MEGF9: variants seen among roughly 807,000 people sequenced by gnomAD.
The protein encoded by MEGF9 is multiple epidermal growth factor-like domains protein 9.
A neutral mutation model predicts 46.8 loss-of-function variants in MEGF9; 6 were observed. The ratio of observed to expected loss-of-function variants is 0.13; its 90% CI spans 0.07 to 0.25. The LOEUF (loss-of-function observed/expected upper bound fraction) is 0.25. MEGF9 is among the 10% of genes least tolerant of loss of function. The pLI, the probability that MEGF9 is intolerant of heterozygous loss-of-function variation, is 1.00. For missense variants in MEGF9, 683 were observed against 792.4 expected (o/e 0.86, Z 1.66); for synonymous variants, 302 against 330.7 (o/e 0.91, Z 0.94).
At chr9:120,690,758 T>G (rs2043844649) in intron 1 of MEGF9, among the ~76,000 whole-genome samples, 1 of 152,108 alleles carries the variant, frequency 6.6e-6, no homozygotes, top group South Asian at 2.1e-4. Context: ...CAAAATTTCC[T>G]CTGTATTATC....
At chr9:120,709,851 C>T (rs1048673200) in intron 1 of MEGF9, among the ~76,000 whole-genome samples, 7 of 151,924 alleles carry the variant, frequency 4.6e-5, no homozygotes, top group African/African-American at 1.7e-4. Context: ...AAGTTCGAGA[C>T]CAGCCTGGCC....
chr9:120,641,769 C>T (rs2043604215), intron 2 of MEGF9, among the ~76,000 whole-genome samples: 1 of 152,138 alleles, frequency 6.6e-6, no homozygotes, highest in Non-Finnish European at 1.5e-5. Flanking sequence ...ATCCCTATCC[C>T]TGACTGGTAA....
intron 1 of MEGF9, among the ~76,000 whole-genome samples, chr9:120,693,281 AAAAAAAAAAAAAAGAAG>A (rs922750076): frequency 4.7e-5 from 7 of 148,990 alleles, no homozygotes; most frequent in Admixed American, 2.0e-4. Context: ...TAACCAAAAA[AAAAAAAAAAAAAAGAAG>A]AAGAAGAAGA....
rs1388746955 is a variant in MEGF9 at position 120,602,815 on chromosome 9, A to G, written c.*2375T>C. 6.6e-6 allele frequency: 1 copy of G among 152,112 alleles called. No homozygotes were observed. Among genetic ancestry groups the G allele is most frequent in the African/African-American group, 2.4e-5 (1 of 41,408 alleles). 9.4% of individuals were successfully genotyped at this position (152,112 alleles called of 1,614,324 possible). A position where few individuals can be genotyped will look rare whatever the true frequency, so the allele number is the denominator to read the frequency against. ...GAAAGACAGGTATGCCATTTTGCAC[A>G]ATTTCTTAGAATTGTGCAGTCTGTA... On this transcript the variant is annotated 3_prime_UTR_variant, in exon 6 of 6. Coordinates refer to ENST00000373930, the MANE Select transcript of MEGF9 (RefSeq NM_001080497.3).
chr9:120,678,320 G>T (rs923799632), intron 1 of MEGF9, among the ~76,000 whole-genome samples: 1 of 152,208 alleles, frequency 6.6e-6, no homozygotes, highest in Non-Finnish European at 1.5e-5. Flanking sequence ...GAGATTGATG[G>T]ATTGTATTGT....
intron 1 of MEGF9, among the ~76,000 whole-genome samples, chr9:120,710,290 T>C (rs111466603): frequency 0.015 from 2,321 of 151,878 alleles, 60 homozygotes; most frequent in African/African-American, 0.053. Flanking sequence ...TAGCTGGGCA[T>C]GGTGGCACAT....
intron 1 of MEGF9, among the ~76,000 whole-genome samples, chr9:120,661,155 C>A (rs1048200224): frequency 6.6e-6 from 1 of 152,214 alleles, no homozygotes; most frequent in African/African-American, 2.4e-5. Flanking sequence ...TTCTGCAGTT[C>A]CTAACCTTTG....
intron 2 of MEGF9, among the ~76,000 whole-genome samples, chr9:120,646,597 A>T (rs1587983207): frequency 6.6e-6 from 1 of 152,188 alleles, no homozygotes; most frequent in East Asian, 1.9e-4. Context: ...TCCAGCTATA[A>T]GTGATGTCTC....
At chr9:120,683,220 C>T (rs1402064586) in intron 1 of MEGF9, among the ~76,000 whole-genome samples, 1 of 152,138 alleles carries the variant, frequency 6.6e-6, no homozygotes, top group Non-Finnish European at 1.5e-5. Flanking sequence ...CCTAGGCCGA[C>T]TGAATAGAAA....
chr9:120,668,441 A>C lies in MEGF9; in HGVS notation c.602-8866T>G, dbSNP rs187560342. On this transcript the variant is annotated intron_variant, in intron 1 of 5. Transcript: ENST00000373930. ...TAAAAATGTATCAATTAAAATTCCCAGTCACAATTTACTAGAGCAAAACAT... is the reference window on the plus strand; with the variant it reads ...TAAAAATGTATCAATTAAAATTCCCCGTCACAATTTACTAGAGCAAAACAT... Among the ~76,000 whole-genome samples, 136 of 152,356 alleles carry C rather than the reference A, an allele frequency of 8.9e-4. 2 individuals carry two copies. The East Asian group carries it at 0.024, about 26-fold the overall frequency.
chr9:120,630,312 T>A (rs2043545001), intron 2 of MEGF9, among the ~76,000 whole-genome samples: 2 of 152,328 alleles, frequency 1.3e-5, no homozygotes, highest in South Asian at 4.1e-4. Context: ...TAAGATAATG[T>A]TCTTCAAGTT....
intron 1 of MEGF9, among the ~76,000 whole-genome samples, chr9:120,706,075 C>A (rs1036525617): frequency 2.0e-5 from 3 of 152,132 alleles, no homozygotes; most frequent in Non-Finnish European, 4.4e-5. Flanking sequence ...ATTCTCTCCA[C>A]CCATAATTTA....
At chr9:120,669,274 C>T (rs1464936513) in intron 1 of MEGF9, among the ~76,000 whole-genome samples, 2 of 152,276 alleles carry the variant, frequency 1.3e-5, no homozygotes, top group South Asian at 2.1e-4. Context: ...TATTTCTCCA[C>T]ATTTCTCATA....
chr9:120,673,395 T>C (rs931850312), intron 1 of MEGF9, among the ~76,000 whole-genome samples: 3 of 152,116 alleles, frequency 2.0e-5, no homozygotes, highest in Admixed American at 2.0e-4. Flanking sequence ...GCTGGAGGAC[T>C]CACAATAATT....
chr9:120,666,622 T>A (rs931751919), intron 1 of MEGF9, among the ~76,000 whole-genome samples: 15 of 152,326 alleles, frequency 9.8e-5, no homozygotes, highest in African/African-American at 3.4e-4. Flanking sequence ...CTTTACTATA[T>A]GACCCAGCAA....
chr9:120,629,665 G>A (rs1160880507), intron 2 of MEGF9, among the ~76,000 whole-genome samples: 1 of 151,890 alleles, frequency 6.6e-6, no homozygotes, highest in African/African-American at 2.4e-5. Context: ...TGGGTGCAGT[G>A]GCTCACATCT....
At chr9:120,637,827 T>C (rs1472165977) in intron 2 of MEGF9, among the ~76,000 whole-genome samples, 5 of 140,496 alleles carry the variant, frequency 3.6e-5, no homozygotes, top group African/African-American at 1.3e-4. Flanking sequence ...AGTACTACAT[T>C]ATTTGATAGT....
intron 3 of MEGF9, among the ~76,000 whole-genome samples, chr9:120,620,527 T>C (rs2043494381): frequency 1.3e-5 from 2 of 152,066 alleles, no homozygotes; most frequent in African/African-American, 4.8e-5. Flanking sequence ...AAAAGTGCTA[T>C]GAAAAAATAC....
intron 2 of MEGF9, among the ~76,000 whole-genome samples, chr9:120,636,717 C>A (rs73550193): frequency 0.016 from 2,411 of 152,268 alleles, 62 homozygotes; most frequent in African/African-American, 0.055. Flanking sequence ...CTCTGCCCAG[C>A]CGCGACCCCG....
Sources: gnomAD v4.1 joint callset for allele counts (sites outside exome capture counted in the v4.1 genomes callset) on GRCh38, gnomAD v4.1.1 for gene constraint, MANE v1.5 for transcripts, NCBI Gene and HGNC (gene_info 2026-07-23, HGNC 2026-07-21) for gene names.